PLXDC2: variants seen among roughly 807,000 people sequenced by gnomAD.
PLXDC2 encodes plexin domain containing 2.
A neutral mutation model predicts 68.9 loss-of-function variants in PLXDC2; 40 were observed. The observed-to-expected ratio is 0.58, with a 90% confidence interval of 0.45 to 0.76. The LOEUF (loss-of-function observed/expected upper bound fraction) is 0.76. PLXDC2 is among the 30% of genes least tolerant of loss of function. PLXDC2 has a pLI of 0.00. For missense variants in PLXDC2, 644 were observed against 661.9 expected (o/e 0.97, Z 0.30); for synonymous variants, 243 against 234.2 (o/e 1.04, Z -0.34).
intron 5 of PLXDC2, among the ~76,000 whole-genome samples, chr10:20,145,813 A>G (rs2131795077): frequency 6.6e-6 from 1 of 152,246 alleles, no homozygotes; most frequent in South Asian, 2.1e-4. Flanking sequence ...TCGGCCTCTC[A>G]AAGTGCTGGG....
intron 12 of PLXDC2, among the ~76,000 whole-genome samples, chr10:20,230,669 G>GGGC (rs1299711722): frequency 9.2e-6 from 1 of 108,886 alleles, no homozygotes; most frequent in Non-Finnish European, 1.7e-5. Context: ...ACACCAGCCT[G>GGGC]GGCTACAGAG....
chr10:20,228,291 T>C (rs1835312937), intron 12 of PLXDC2, among the ~76,000 whole-genome samples: 1 of 152,156 alleles, frequency 6.6e-6, no homozygotes, highest in Non-Finnish European at 1.5e-5. Context: ...CTAGGCACGG[T>C]GGCTCACGCC....
chr10:19,849,922 T>A (rs1047222815), intron 1 of PLXDC2, among the ~76,000 whole-genome samples: 1 of 151,930 alleles, frequency 6.6e-6, no homozygotes, highest in African/African-American at 2.4e-5. Context: ...TAAAGGGAGG[T>A]CTGCTTCACC....
At chr10:20,178,480 T>G (rs559539602) in intron 9 of PLXDC2, among the ~76,000 whole-genome samples, 1 of 152,214 alleles carries the variant, frequency 6.6e-6, no homozygotes, top group Admixed American at 6.5e-5. Context: ...TGCCTGAGAA[T>G]AAGTCCCTTT....
intron 4 of PLXDC2, 43 bp from the exon 5 acceptor site, chr10:20,143,252 G>A (rs760042495): frequency 6.4e-7 from 1 of 1,557,232 alleles, no homozygotes; most frequent in Non-Finnish European, 8.7e-7. Context: ...AATTTTATAT[G>A]GGCTTCTTTT....
intron 9 of PLXDC2, among the ~76,000 whole-genome samples, chr10:20,193,104 C>T (rs1420008930): frequency 6.6e-6 from 1 of 152,054 alleles, no homozygotes; most frequent in African/African-American, 2.4e-5. Flanking sequence ...CATCCCTGCT[C>T]TTGTCTAAGT....
intron 9 of PLXDC2, among the ~76,000 whole-genome samples, chr10:20,200,340 T>G (rs1382325504): frequency 6.6e-6 from 1 of 151,970 alleles, no homozygotes; most frequent in Non-Finnish European, 1.5e-5. Context: ...TCACGAGTAA[T>G]ATAAGAAATG....
chr10:20,052,562 C>A (rs1835921329), intron 3 of PLXDC2, among the ~76,000 whole-genome samples: 1 of 151,818 alleles, frequency 6.6e-6, no homozygotes, highest in African/African-American at 2.4e-5. Context: ...TATTAATTAG[C>A]TTTGCTCTTG....
At chr10:20,149,363 C>G (rs542846641) in intron 6 of PLXDC2, among the ~76,000 whole-genome samples, 2 of 149,792 alleles carry the variant, frequency 1.3e-5, no homozygotes, top group South Asian at 4.3e-4. Flanking sequence ...CTCAGCCTCC[C>G]AAGTAACTGG....
intron 1 of PLXDC2, among the ~76,000 whole-genome samples, chr10:19,830,547 C>T (rs1176628639): frequency 6.6e-6 from 1 of 152,132 alleles, no homozygotes; most frequent in Non-Finnish European, 1.5e-5. Flanking sequence ...TTCCCCCATC[C>T]TTTGGTAACA....
rs551495527 is a variant in PLXDC2, at chr10:19,978,156, G to T, written c.113-23619G>T. 1.6e-4 allele frequency among the ~76,000 whole-genome samples: 24 copies of T among 152,078 alleles called. 1 individual carries two copies. The highest frequency in any genetic ancestry group is 1.4e-3 in the Admixed American group (22 of 15,266). ...TCTTTTCCATTTTATTTGTTTTATGGGTTTATGGTTTTTAAAGGTCCCTAT... is the reference window on the plus strand; with the variant it reads ...TCTTTTCCATTTTATTTGTTTTATGTGTTTATGGTTTTTAAAGGTCCCTAT... On this transcript the variant is annotated intron_variant, in intron 1 of 13. Coordinates refer to ENST00000377252, the MANE Select transcript of PLXDC2 (RefSeq NM_032812.9).
intron 1 of PLXDC2, among the ~76,000 whole-genome samples, chr10:19,937,544 GTATATATA>G (rs71388881): frequency 0.023 from 2,250 of 95,968 alleles, 45 homozygotes; most frequent in African/African-American, 0.042. Context: ...TATAGTCAAT[GTATATATA>G]TATATATATA....
chr10:19,878,735 C>A (rs182140980), intron 1 of PLXDC2, among the ~76,000 whole-genome samples: 2 of 152,246 alleles, frequency 1.3e-5, no homozygotes, highest in East Asian at 1.9e-4. Context: ...TTTTTATTGC[C>A]AAAATAAATC....
intron 1 of PLXDC2, among the ~76,000 whole-genome samples, chr10:19,859,299 A>C (rs771583097): frequency 6.6e-6 from 1 of 152,118 alleles, no homozygotes; most frequent in Non-Finnish European, 1.5e-5. Context: ...AACCATATTC[A>C]CACAATAGCA....
chr10:20,070,196 G>A (rs977172615), intron 4 of PLXDC2, among the ~76,000 whole-genome samples: 5 of 152,304 alleles, frequency 3.3e-5, no homozygotes, highest in African/African-American at 4.8e-5. Flanking sequence ...GGGATAGTTC[G>A]AGTCATTAGT....
chr10:20,104,431 C>G (rs1161721950), intron 4 of PLXDC2, among the ~76,000 whole-genome samples: 4 of 152,008 alleles, frequency 2.6e-5, no homozygotes, highest in Non-Finnish European at 5.9e-5. Context: ...CAACTCCAGC[C>G]CCTTGTAAGA....
Position 20,107,690 on chromosome 10 carries a change from T to C in PLXDC2, c.542-35605T>C, listed in dbSNP as rs557742150. Among the ~76,000 whole-genome samples, 175 of 152,318 alleles carry C rather than the reference T, an allele frequency of 1.1e-3. 1 individual carries two copies. The highest frequency in any genetic ancestry group is 3.0e-3 in the Admixed American group (46 of 15,296). ...CACCAGTCTTCCTGACATACGAATG[T>C]CAATGTAGAAAAGAGGTATTCAATT... On this transcript the variant is annotated intron_variant, in intron 4 of 13. Coordinates refer to ENST00000377252, the MANE Select transcript of PLXDC2 (RefSeq NM_032812.9).
chr10:20,018,514 A>G (rs1342054669), intron 2 of PLXDC2, among the ~76,000 whole-genome samples: 1 of 152,224 alleles, frequency 6.6e-6, no homozygotes, highest in Non-Finnish European at 1.5e-5. Flanking sequence ...TTCCAAGATC[A>G]TGTTCATATT....
At chr10:19,925,711 G>A (rs1170000465) in intron 1 of PLXDC2, among the ~76,000 whole-genome samples, 1 of 152,208 alleles carries the variant, frequency 6.6e-6, no homozygotes. Flanking sequence ...GTGACAGAGA[G>A]TAGTTGAAGT....
Sources: gnomAD v4.1 joint callset for allele counts (sites outside exome capture counted in the v4.1 genomes callset) on GRCh38, gnomAD v4.1.1 for gene constraint, MANE v1.5 for transcripts, NCBI Gene and HGNC (gene_info 2026-07-23, HGNC 2026-07-21) for gene names.